The following VXN variants were observed in gnomAD, a reference collection of about 807,000 sequenced individuals.
The protein encoded by VXN is uncharacterized protein C8orf46.
In VXN, 7 loss-of-function variants were observed where a neutral mutation model predicts 23.1. The ratio of observed to expected loss-of-function variants is 0.30; its 90% CI spans 0.17 to 0.57. The LOEUF (loss-of-function observed/expected upper bound fraction) is 0.57, where lower values mean the gene tolerates loss of function less well. Ranked by LOEUF, VXN falls within the 20% of genes least tolerant of loss-of-function variation. VXN has a pLI of 0.91. For missense variants in VXN, 238 were observed against 272.6 expected (o/e 0.87, Z 0.89); for synonymous variants, 120 against 105.8 (o/e 1.13, Z -0.83).
chr8:66,509,746 G>C (rs1231789999), intron 3 of VXN, among the ~76,000 whole-genome samples: 1 of 152,098 alleles, frequency 6.6e-6, no homozygotes, highest in African/African-American at 2.4e-5. Context: ...AGCAGTTTTA[G>C]GTATACAGCA....
chr8:66,510,318 G>A (rs1291249333), intron 4 of VXN, 161 bp downstream of exon 4: 2 of 616,978 alleles, frequency 3.2e-6, no homozygotes, highest in Admixed American at 3.2e-5. Context: ...AAAGCTCTCA[G>A]TTGGCCCTAA....
intron 4 of VXN, among the ~76,000 whole-genome samples, chr8:66,511,668 C>T (rs1807825630): frequency 6.6e-6 from 1 of 152,208 alleles, no homozygotes; most frequent in Non-Finnish European, 1.5e-5. Context: ...AAGCTGGCTT[C>T]AGACAGTGCC....
intron 5 of VXN, chr8:66,514,435 T>TTTTTG (rs778998169): frequency 6.6e-6 from 1 of 152,252 alleles, no homozygotes; most frequent in African/African-American, 2.4e-5. Context: ...AATTTTTTGG[T>TTTTTG]TTTTGTTTTG....
chr8:66,508,425 C>T (rs1563508206), intron 3 of VXN, among the ~76,000 whole-genome samples: 1 of 152,120 alleles, frequency 6.6e-6, no homozygotes, highest in Non-Finnish European at 1.5e-5. Flanking sequence ...GTGCTGTGTC[C>T]GTTCCTGGCC....
At chr8:66,504,552 A>T (rs2130548698) in intron 2 of VXN, among the ~76,000 whole-genome samples, 1 of 152,318 alleles carries the variant, frequency 6.6e-6, no homozygotes, top group African/African-American at 2.4e-5. Context: ...CACTTAAATT[A>T]TCTCAATGAT....
Position 66,517,600 on chromosome 8 carries a change from C to T in VXN, c.*1524C>T, listed in dbSNP as rs148012130. The T allele has an allele frequency of 2.6e-5, 4 of 152,332 alleles. No individual in the cohort carries two copies. Among genetic ancestry groups the T allele is most frequent in the African/African-American group, 7.2e-5 (3 of 41,576 alleles). The allele number at this position is 152,332 out of a possible 1,614,324, so 9.4% of individuals were successfully genotyped here. On this transcript the variant is annotated 3_prime_UTR_variant, in exon 6 of 6. Coordinates refer to ENST00000305454, the MANE Select transcript of VXN (RefSeq NM_152765.4). ...AGATGGAATCTGAGATAGAAGAATG[C>T]TGTGGTCAATTAGTAATTCTTGCCC...
intron 3 of VXN, among the ~76,000 whole-genome samples, 188 bp from the exon 4 acceptor site, chr8:66,509,908 C>T (rs1191268532): frequency 6.6e-6 from 1 of 152,108 alleles, no homozygotes; most frequent in African/African-American, 2.4e-5. Flanking sequence ...GGCCTTAGTT[C>T]CAGCTCCCCT....
chr8:66,499,125 A>C (rs59168207), intron 2 of VXN, among the ~76,000 whole-genome samples: 13,682 of 136,938 alleles, frequency 0.1, 646 homozygotes, highest in Middle Eastern at 0.17. Flanking sequence ...TTATTTTTTT[A>C]TTTTTTTCTC....
intron 4 of VXN, 81 bp downstream of exon 4, chr8:66,510,238 G>A: frequency 1.7e-6 from 2 of 1,150,152 alleles, no homozygotes; most frequent in Non-Finnish European, 1.3e-6. Flanking sequence ...GCCATGAAGA[G>A]AGACTCAGTG....
chr8:66,510,344 AAT>A, intron 4 of VXN, 187 bp downstream of exon 4: 1 of 560,050 alleles, frequency 1.8e-6, no homozygotes, highest in Non-Finnish European at 3.1e-6. Context: ...ACCCTTGTGG[AAT>A]ATCCCTGGCT....
rs959599096 is a variant in VXN, at chr8:66,518,296, A to C, written c.*2220A>C. The C allele has an allele frequency of 6.6e-6, 1 of 152,268 alleles. No homozygotes were observed. The highest frequency in any genetic ancestry group is 6.5e-5 in the Admixed American group (1 of 15,280). The allele number at this position is 152,268 out of a possible 1,614,324, so 9.4% of individuals were successfully genotyped here. The stretch of plus-strand genomic sequence containing the variant: ...TCTCCTGAAAGCTGGGATGACAGGC[A>C]CATGCCACCACACCTAGCTCCTTAC... On this transcript the variant is annotated 3_prime_UTR_variant, in exon 6 of 6. Coordinates refer to ENST00000305454, the MANE Select transcript of VXN (RefSeq NM_152765.4).
chr8:66,497,350 T>C (rs1170168194), intron 2 of VXN, among the ~76,000 whole-genome samples: 1 of 152,242 alleles, frequency 6.6e-6, no homozygotes, highest in East Asian at 1.9e-4. Flanking sequence ...TGTGATTTGC[T>C]CAAACTAGTT....
rs755880181 is a variant in VXN, at chr8:66,513,524, C to G, written c.343-16C>G. The G allele has an allele frequency of 1.9e-6, 3 of 1,610,870 alleles. No homozygotes were observed. Among genetic ancestry groups the G allele is most frequent in the Non-Finnish European group, 2.5e-6 (3 of 1,177,222 alleles). On this transcript the variant is annotated splice_polypyrimidine_tract_variant and intron_variant, in intron 4 of 5. Coordinates refer to ENST00000305454, the MANE Select transcript of VXN (RefSeq NM_152765.4). ...GCAGATGCATCCTCACACTCCCTCC[C>G]GCTTCCTCATGACAGATACCGCCAG... is the stretch of plus-strand genomic sequence containing the variant.
intron 5 of VXN, 147 bp downstream of exon 5, chr8:66,513,784 G>A: frequency 1.6e-6 from 1 of 608,404 alleles, no homozygotes; most frequent in Non-Finnish European, 2.9e-6. Context: ...TTTTAATGAG[G>A]CCAATAATCC....
intron 2 of VXN, among the ~76,000 whole-genome samples, chr8:66,500,411 T>C (rs1807677679): frequency 6.6e-6 from 1 of 152,238 alleles, no homozygotes; most frequent in Non-Finnish European, 1.5e-5. Flanking sequence ...TGTTTAATTT[T>C]ATTTCTATAA....
At chr8:66,510,011 G>A in intron 3 of VXN, 85 bp from the exon 4 acceptor site, 1 of 1,306,394 alleles carries the variant, frequency 7.7e-7, no homozygotes, top group Non-Finnish European at 1.1e-6. Flanking sequence ...GTGGTTGATT[G>A]GCTAACAAGG....
intron 2 of VXN, 41 bp downstream of exon 2, chr8:66,496,533 A>G: frequency 6.3e-7 from 1 of 1,587,718 alleles, no homozygotes; most frequent in Non-Finnish European, 8.6e-7. Context: ...GTTGACTTTC[A>G]TTTAAAAAGC....
At position 66,505,395 on chromosome 8, in the gene VXN, G is replaced by A; in HGVS notation, c.147G>A (p.Leu49=). Residue 49 remains leucine, a synonymous_variant, in exon 3 of 6, where the codon CTG becomes CTA. Coordinates refer to ENST00000305454, the MANE Select transcript of VXN (RefSeq NM_152765.4). ...LTKNVVIESD[L]YTHQPLELLP... ...GGCAGGTGGTGATCGAGTCGGACCT[G>A]TACACGCACCAGCCCCTGGAGCTGC... is the stretch of plus-strand genomic sequence containing the variant. 1.3e-6 allele frequency: 2 copies of A among 1,581,176 alleles called. No individual in the cohort carries two copies. Among genetic ancestry groups the A allele is most frequent in the African/African-American group, 2.7e-5 (2 of 74,692 alleles).
rs1262911146 is a variant in VXN, at chr8:66,496,477, C to T, written c.111C>T (p.His37=). The change falls in exon 2 of 6, where the codon CAC becomes CAT. Residue 37 remains histidine, a synonymous_variant. Transcript: ENST00000305454. ...GAAGAAGAGCCAAAAGCTCTCAGCA[C>T]CTCTTGACCAAGAATGTAAGGAAAC... is the stretch of plus-strand genomic sequence containing the variant. The part of the protein sequence containing the change: ...PARRRAKSSQ[H]LLTKNVVIES... The T allele has an allele frequency of 9.9e-6, 16 of 1,614,056 alleles. No homozygotes were observed. The highest frequency in any genetic ancestry group is 1.4e-5 in the Non-Finnish European group (16 of 1,180,004).
Sources: gnomAD v4.1 joint callset for allele counts (sites outside exome capture counted in the v4.1 genomes callset) on GRCh38, gnomAD v4.1.1 for gene constraint, MANE v1.5 for transcripts, NCBI Gene and HGNC (gene_info 2026-07-23, HGNC 2026-07-21) for gene names.